The following TASP1 variants were observed in gnomAD, a reference collection of about 807,000 sequenced individuals.
The protein encoded by TASP1 is threonine aspartase 1.
A neutral mutation model predicts 56.6 loss-of-function variants in TASP1; 16 were observed. The ratio of observed to expected loss-of-function variants is 0.28; its 90% CI spans 0.19 to 0.43. TASP1 has a LOEUF of 0.43. TASP1 is among the 20% of genes least tolerant of loss of function. The probability of loss-of-function intolerance (pLI) is 1.00; values close to 1 mark genes in which losing one functional copy is unlikely to be tolerated. For synonymous variants in TASP1, 179 were observed against 184.2 expected (o/e 0.97, Z 0.23); for missense variants, 393 against 511.6 (o/e 0.77, Z 2.24).
intron 13 of TASP1, among the ~76,000 whole-genome samples, chr20:13,407,618 G>T (rs556144191): frequency 6.6e-6 from 1 of 152,248 alleles, no homozygotes; most frequent in African/African-American, 2.4e-5. Flanking sequence ...GGGTCACATG[G>T]TAACTCTATG....
chr20:13,292,406 G>C, the TASP1 span: 2 of 1,606,756 alleles, frequency 1.2e-6, no homozygotes, highest in Admixed American at 3.4e-5. Flanking sequence ...AGCTGCCACC[G>C]AAGTGAGTCT....
chr20:13,332,771 G>A, the TASP1 span, among the ~76,000 whole-genome samples: 1 of 152,190 alleles, frequency 6.6e-6, no homozygotes, highest in South Asian at 2.1e-4. Flanking sequence ...GCTATGATAA[G>A]GTTTTTTGTT....
chr20:13,345,632 T>G, the TASP1 span, among the ~76,000 whole-genome samples: 1 of 152,126 alleles, frequency 6.6e-6, no homozygotes, highest in East Asian at 1.9e-4. Context: ...AGCTGAGTGA[T>G]GCAAGGCTGG....
chr20:13,484,733 C>CAAAA lies in TASP1; in HGVS notation c.875-1400_875-1397dup, dbSNP rs34720600. 2.2e-3 allele frequency among the ~76,000 whole-genome samples: 175 copies of CAAAA among 81,036 alleles called. 2 individuals carry two copies. The highest frequency in any genetic ancestry group is 7.5e-3 in the Middle Eastern group (1 of 134). 53.2% of individuals were successfully genotyped at this position (81,036 alleles called of 152,430 possible). A position where few individuals can be genotyped will look rare whatever the true frequency, so the allele number is the denominator to read the frequency against. On this transcript the variant is annotated intron_variant, in intron 10 of 13. Transcript: ENST00000337743. Reference sequence around the variant, plus strand: ...CCTGGGGGACAAGAACAAGATTTCTCAAAAAAAAAAAAAAAAAAGAAAGAA... The same window carrying CAAAA: ...CCTGGGGGACAAGAACAAGATTTCTCAAAAAAAAAAAAAAAAAAAAAAGAAAGAA...
chr20:13,221,751 G>T, the TASP1 span: 3 of 1,418,294 alleles, frequency 2.1e-6, no homozygotes, highest in East Asian at 6.2e-5. Flanking sequence ...GCCGCGCCGG[G>T]TCCTAAAGCC....
intron 11 of TASP1, among the ~76,000 whole-genome samples, chr20:13,478,178 TCA>T (rs1194923257): frequency 2.0e-5 from 3 of 152,128 alleles, no homozygotes; most frequent in South Asian, 2.1e-4. Context: ...GATTTAAAAT[TCA>T]CAGTCTGGAA....
At chr20:13,582,343 TTTATAAC>T (rs1007707205) in intron 5 of TASP1, among the ~76,000 whole-genome samples, 5 of 151,536 alleles carry the variant, frequency 3.3e-5, no homozygotes, top group Middle Eastern at 3.5e-3. Flanking sequence ...AACTTATAAA[TTTATAAC>T]TTATAACTTA....
At chr20:13,126,469 A>G in the TASP1 span, 1 of 1,170,794 alleles carries the variant, frequency 8.5e-7, no homozygotes, top group African/African-American at 1.6e-5. Context: ...GACCCCATTC[A>G]TCTTTTGAGC....
At chr20:13,195,623 C>T in the TASP1 span, among the ~76,000 whole-genome samples, 1 of 152,148 alleles carries the variant, frequency 6.6e-6, no homozygotes, top group Non-Finnish European at 1.5e-5. Flanking sequence ...CCTTCCCTCC[C>T]AGTCTTAGTC....
intron 11 of TASP1, among the ~76,000 whole-genome samples, chr20:13,473,696 A>G (rs1013583768): frequency 9.9e-5 from 15 of 151,934 alleles, no homozygotes; most frequent in African/African-American, 3.6e-4. Flanking sequence ...TTCATTCATG[A>G]CTCTTTCCTT....
chr20:13,368,685 A>T, the TASP1 span: 2 of 152,222 alleles, frequency 1.3e-5, no homozygotes, highest in Non-Finnish European at 2.9e-5. Flanking sequence ...TATGGAAGGG[A>T]ACTGTCAGTG....
chr20:13,621,751 A>T (rs181664099), intron 4 of TASP1, among the ~76,000 whole-genome samples: 1 of 152,240 alleles, frequency 6.6e-6, no homozygotes, highest in African/African-American at 2.4e-5. Context: ...AACATGATAT[A>T]TAAGTATGAC....
At chr20:13,419,167 A>C (rs1233073226) in intron 12 of TASP1, among the ~76,000 whole-genome samples, 1 of 152,190 alleles carries the variant, frequency 6.6e-6, no homozygotes, top group African/African-American at 2.4e-5. Flanking sequence ...CCTTGTTCTT[A>C]AGAAATACTC....
Position 13,486,908 on chromosome 20 carries a change from T to C in TASP1, c.875-3571A>G, listed in dbSNP as rs1318933549. Among the ~76,000 whole-genome samples, 4 of 152,254 alleles carry C rather than the reference T, an allele frequency of 2.6e-5. No homozygotes were observed. In the East Asian group the frequency reaches 7.7e-4, roughly 29 times the overall value. ...TAATGATGAAACGCTGAATTGTTTC[T>C]CCCTAGGATCAGAAACAGGGCAATG... On this transcript the variant is annotated intron_variant, in intron 10 of 13. Transcript: ENST00000337743.
At chr20:13,357,544 G>T in the TASP1 span, among the ~76,000 whole-genome samples, 3 of 152,124 alleles carry the variant, frequency 2.0e-5, no homozygotes, top group East Asian at 1.9e-4. Flanking sequence ...AGAAGGGGAC[G>T]TGATAAAAAT....
chr20:13,379,008 T>C, the TASP1 span, among the ~76,000 whole-genome samples: 4 of 152,230 alleles, frequency 2.6e-5, no homozygotes, highest in Non-Finnish European at 4.4e-5. Context: ...AGCACACTGA[T>C]AGGTCTTGAC....
the TASP1 span, among the ~76,000 whole-genome samples, chr20:13,274,784 G>A: frequency 4.6e-5 from 7 of 151,920 alleles, no homozygotes; most frequent in East Asian, 7.7e-4. Context: ...AGGCAGCCTC[G>A]GTCCCAAGTG....
chr20:13,358,028 G>A, the TASP1 span, among the ~76,000 whole-genome samples: 4 of 152,144 alleles, frequency 2.6e-5, no homozygotes, highest in South Asian at 6.2e-4. Context: ...CAAAAGAAGT[G>A]TAAATGGCCG....
the TASP1 span, among the ~76,000 whole-genome samples, chr20:13,324,472 G>C: frequency 3.8e-4 from 58 of 152,308 alleles, no homozygotes; most frequent in Middle Eastern, 3.4e-3. Context: ...CAGGGGTGTA[G>C]AATTTAAATT....
Sources: gnomAD v4.1 joint callset for allele counts (sites outside exome capture counted in the v4.1 genomes callset) on GRCh38, gnomAD v4.1.1 for gene constraint, MANE v1.5 for transcripts, NCBI Gene and HGNC (gene_info 2026-07-23, HGNC 2026-07-21) for gene names.